MINDY2: variants seen among roughly 807,000 people sequenced by gnomAD.
The protein encoded by MINDY2 is MINDY lysine 48 deubiquitinase 2.
MINDY2 carries 52 observed loss-of-function variants against 68.2 expected under a neutral mutation model. The observed-to-expected ratio is 0.76, with a 90% CI of 0.61 to 0.96. The LOEUF (loss-of-function observed/expected upper bound fraction) is 0.96. Ranked by LOEUF, MINDY2 falls within the 40% of genes least tolerant of loss-of-function variation. The pLI is 0.00. For synonymous variants in MINDY2, 372 were observed against 303.0 expected (o/e 1.23, Z -2.36); for missense variants, 881 against 773.4 (o/e 1.14, Z -1.65).
At position 58,772,214 on chromosome 15, in the gene MINDY2, T is replaced by C. The variant is rs1187575930; in HGVS notation, c.819T>C (p.Asn273=). Residue 273 remains asparagine (N), a synonymous_variant, in exon 1 of 9, where the codon AAT becomes AAC. Transcript: ENST00000559228. ...NGPCPLLAIL[N]VLLLAWKVKL... ...CCTGCCCCTTGCTGGCCATCCTCAA[T>C]GTTTTGCTCCTGGCCTGGAAGGTAC... The C allele has an allele frequency of 8.7e-6, 14 of 1,612,400 alleles. No homozygotes were observed. Among genetic ancestry groups the C allele is most frequent in the East Asian group, 2.2e-5 (1 of 44,886 alleles).
intron 7 of MINDY2, among the ~76,000 whole-genome samples, chr15:58,851,212 G>A (rs965653710): frequency 2.0e-5 from 3 of 151,860 alleles, no homozygotes; most frequent in Non-Finnish European, 4.4e-5. Context: ...GGGCTCAAGC[G>A]ATCCACCTGC....
intron 2 of MINDY2, among the ~76,000 whole-genome samples, chr15:58,801,944 C>G (rs537060651): frequency 6.6e-6 from 1 of 152,302 alleles, no homozygotes; most frequent in East Asian, 1.9e-4. Flanking sequence ...TTTTTTACTT[C>G]TCAGTGTTGC....
At chr15:58,827,856 TTG>T (rs1317714226) in intron 5 of MINDY2, among the ~76,000 whole-genome samples, 4 of 152,220 alleles carry the variant, frequency 2.6e-5, no homozygotes, top group African/African-American at 9.6e-5. Context: ...TTGTGTTCTT[TTG>T]TATCTCCTCA....
At position 58,821,782 on chromosome 15, in the gene MINDY2, T is replaced by C. The variant is rs2031073585; in HGVS notation, c.1188T>C (p.Ser396=). The C allele has an allele frequency of 6.3e-7, 1 of 1,592,052 alleles. No homozygotes were observed. The highest frequency in any genetic ancestry group is 1.4e-5 in the African/African-American group (1 of 73,714). ...SYNQLVEKII[S]CKQSDNSELV... is the part of the protein sequence containing the mutation. ...ACCAACTAGTGGAGAAGATCATCTC[T>C]TGTAAACAGTCAGACAATAGTGAGC... Residue 396 remains serine (S), a synonymous_variant, in exon 5 of 9, where the codon TCT becomes TCC. Coordinates refer to ENST00000559228, the MANE Select transcript of MINDY2 (RefSeq NM_001040450.3).
intron 6 of MINDY2, among the ~76,000 whole-genome samples, chr15:58,836,313 C>T (rs949537992): frequency 4.0e-5 from 6 of 151,512 alleles, no homozygotes; most frequent in Non-Finnish European, 8.8e-5. Context: ...CTATCATTCT[C>T]AGTATCTAAT....
chr15:58,798,563 A>T (rs542698592), intron 2 of MINDY2, among the ~76,000 whole-genome samples: 1 of 149,484 alleles, frequency 6.7e-6, no homozygotes, highest in Non-Finnish European at 1.5e-5. Context: ...TCAAGCGATT[A>T]TCTCACCTCA....
intron 2 of MINDY2, among the ~76,000 whole-genome samples, chr15:58,794,840 C>T (rs906923489): frequency 1.3e-5 from 2 of 152,042 alleles, no homozygotes; most frequent in Non-Finnish European, 2.9e-5. Flanking sequence ...ACAGAGAACA[C>T]TGAAATTCAA....
chr15:58,827,952 G>A (rs1473852181), intron 5 of MINDY2, among the ~76,000 whole-genome samples: 1 of 151,956 alleles, frequency 6.6e-6, no homozygotes, highest in African/African-American at 2.4e-5. Flanking sequence ...ATATGAGTGG[G>A]CTGGGCGCAG....
At chr15:58,796,358 A>G (rs1230711064) in intron 2 of MINDY2, among the ~76,000 whole-genome samples, 2 of 152,220 alleles carry the variant, frequency 1.3e-5, no homozygotes, top group Non-Finnish European at 1.5e-5. Flanking sequence ...TAATTTGACT[A>G]TAGTTGGTAA....
At chr15:58,827,269 A>C (rs963367882) in intron 5 of MINDY2, among the ~76,000 whole-genome samples, 1 of 152,178 alleles carries the variant, frequency 6.6e-6, no homozygotes, top group South Asian at 2.1e-4. Context: ...TGAATATGCT[A>C]TTCGTTAATA....
chr15:58,822,285 A>G (rs1471726559), intron 5 of MINDY2, among the ~76,000 whole-genome samples: 3 of 152,060 alleles, frequency 2.0e-5, no homozygotes, highest in African/African-American at 7.2e-5. Flanking sequence ...GTAATCATTC[A>G]TAAAGGTGCC....
chr15:58,809,961 G>C (rs2030110029), intron 3 of MINDY2, among the ~76,000 whole-genome samples: 1 of 152,066 alleles, frequency 6.6e-6, no homozygotes, highest in Non-Finnish European at 1.5e-5. Context: ...TGTATTTTCA[G>C]AGACAGGGTT....
chr15:58,786,493 AC>A (rs1901510968), intron 1 of MINDY2, among the ~76,000 whole-genome samples: 1 of 152,218 alleles, frequency 6.6e-6, no homozygotes, highest in Non-Finnish European at 1.5e-5. Flanking sequence ...ACGCATTTGA[AC>A]AATTAATTTA....
chr15:58,823,916 A>G (rs2031232506), intron 5 of MINDY2, among the ~76,000 whole-genome samples: 1 of 152,224 alleles, frequency 6.6e-6, no homozygotes, highest in East Asian at 1.9e-4. Context: ...TACCATAGAT[A>G]ATTACTAAAA....
intron 2 of MINDY2, among the ~76,000 whole-genome samples, chr15:58,788,507 T>G (rs1460196893): frequency 1.3e-5 from 2 of 152,228 alleles, no homozygotes. Context: ...AGTAATGTAT[T>G]AAATTGCATT....
intron 3 of MINDY2, among the ~76,000 whole-genome samples, chr15:58,808,837 C>G (rs901691434): frequency 6.6e-6 from 1 of 152,308 alleles, no homozygotes; most frequent in South Asian, 2.1e-4. Context: ...ATCTCCTGAC[C>G]TCGTGATCCA....
intron 6 of MINDY2, among the ~76,000 whole-genome samples, chr15:58,835,899 TTTTTG>T (rs56935479): frequency 4.6e-5 from 7 of 151,638 alleles, no homozygotes; most frequent in Admixed American, 1.3e-4. Flanking sequence ...AGTCTTGGGT[TTTTTG>T]TTTTGTTTTG....
At chr15:58,786,327 T>A (rs1901495067) in intron 1 of MINDY2, among the ~76,000 whole-genome samples, 1 of 152,240 alleles carries the variant, frequency 6.6e-6, no homozygotes, top group African/African-American at 2.4e-5. Context: ...ACAATGTTAC[T>A]ATTCTTCTAT....
Position 58,861,021 on chromosome 15 carries a change from G to A in MINDY2, c.*6411G>A, listed in dbSNP as rs1211390134. ...TATAACAGGAGATTGGTGTGTGAAT[G>A]CTACAAAACAGTCAGCAAAAGGAAT... On this transcript the variant is annotated 3_prime_UTR_variant, in exon 9 of 9. Transcript: ENST00000559228. 2.0e-5 allele frequency: 3 copies of A among 152,010 alleles called. No homozygotes were observed. The highest frequency in any genetic ancestry group is 6.6e-5 in the Admixed American group (1 of 15,258). 9.4% of individuals were successfully genotyped at this position (152,010 alleles called of 1,614,324 possible). A position where few individuals can be genotyped will look rare whatever the true frequency, so the allele number is the denominator to read the frequency against.
Sources: gnomAD v4.1 joint callset for allele counts (sites outside exome capture counted in the v4.1 genomes callset) on GRCh38, gnomAD v4.1.1 for gene constraint, MANE v1.5 for transcripts, NCBI Gene and HGNC (gene_info 2026-07-23, HGNC 2026-07-21) for gene names.